The following TOP3A variants were observed in gnomAD, a reference collection of about 807,000 sequenced individuals.
The protein encoded by TOP3A is DNA topoisomerase 3-alpha.
In TOP3A, 64 loss-of-function variants were observed where a neutral mutation model predicts 111.3. That is an observed-to-expected ratio of 0.57 (90% CI 0.47 to 0.71). TOP3A has a LOEUF of 0.71. TOP3A is among the 30% of genes least tolerant of loss of function. The pLI is 0.00. For missense variants in TOP3A, 1,104 were observed against 1,285.0 expected (o/e 0.86, Z 2.15); for synonymous variants, 484 against 485.1 (o/e 1.00, Z 0.03).
In TOP3A at chr17:18,292,084, A is replaced by G. The variant is rs1255133072; in HGVS notation, c.1281+561T>C. ...AAGAACAAAAGACTAAGATTTCCCC[A>G]GCTTTGTGAGAAGCCTACAGATGTA... On this transcript the variant is annotated intron_variant, in intron 11 of 18. Coordinates refer to ENST00000321105, the MANE Select transcript of TOP3A (RefSeq NM_004618.5). Among the ~76,000 whole-genome samples the G allele has an allele frequency of 5.5e-4, 84 of 152,244 alleles. 1 individual carries two copies. Among genetic ancestry groups the G allele is most frequent in the Non-Finnish European group, 7.3e-5 (5 of 68,042 alleles).
chr17:18,296,942 T>G (rs947540368), intron 9 of TOP3A, among the ~76,000 whole-genome samples: 2 of 152,174 alleles, frequency 1.3e-5, no homozygotes, highest in African/African-American at 4.8e-5. Context: ...TTTATACAGA[T>G]TATACAGCAA....
chr17:18,306,852 G>T (rs1981607920), intron 4 of TOP3A, 39 bp downstream of exon 4: 1 of 1,320,052 alleles, frequency 7.6e-7, no homozygotes. Context: ...TTGACTCTGT[G>T]GTTTGACTCA....
chr17:18,278,481 C>G, intron 17 of TOP3A, 124 bp from the exon 18 acceptor site: 1 of 827,702 alleles, frequency 1.2e-6, no homozygotes, highest in South Asian at 2.5e-5. Flanking sequence ...GAAGCCCACA[C>G]AAGTCCCCTG....
intron 5 of TOP3A, 152 bp from the exon 6 acceptor site, chr17:18,302,875 T>C (rs1047731997): frequency 1.1e-5 from 9 of 816,434 alleles, no homozygotes; most frequent in Middle Eastern, 2.4e-4. Context: ...AAATCAATGG[T>C]GTACAGTGTC....
rs375390267 is a variant in TOP3A at position 18,277,910 on chromosome 17, A to G, written c.2592T>C (p.Tyr864=). Residue 864 remains tyrosine, a synonymous_variant, in exon 18 of 19, where the codon TAT becomes TAC. Transcript: ENST00000321105. ...ATCCCAGGGAGGCGCCCAGGGGTCT[A>G]TATGCCAAGGCAGGAGGCCCTCCTG... ...PGAGGPPALA[Y]RPLGASLGCP... 6 of 1,613,840 alleles carry G rather than the reference A, an allele frequency of 3.7e-6. No homozygotes were observed. Among genetic ancestry groups the G allele is most frequent in the Admixed American group, 3.3e-5 (2 of 60,010 alleles).
chr17:18,308,505 G>T, intron 2 of TOP3A, 81 bp from the exon 3 acceptor site: 2 of 957,016 alleles, frequency 2.1e-6, no homozygotes, highest in Non-Finnish European at 3.2e-6. Context: ...AGAGGGAGGA[G>T]CTTCTATTAA....
chr17:18,314,935 C>T lies in TOP3A; in HGVS notation c.-157G>A, dbSNP rs780537072. ...GCCTTTGGAGCTTCAGTCACTGAGC[C>T]TTTCCCGTGCCGCAGCCGCCGCCTC... is the stretch of plus-strand genomic sequence containing the variant. On this transcript the variant is annotated 5_prime_UTR_variant, in exon 1 of 19. Transcript: ENST00000321105. 16 of 269,500 alleles carry T rather than the reference C, an allele frequency of 5.9e-5. No individual in the cohort carries two copies. Among genetic ancestry groups the T allele is most frequent in the East Asian group, 8.9e-5 (1 of 11,230 alleles). The allele number at this position is 269,500 out of a possible 1,614,324, so 16.7% of individuals were successfully genotyped here.
chr17:18,289,571 C>T (rs1980339657), intron 13 of TOP3A, among the ~76,000 whole-genome samples: 1 of 152,154 alleles, frequency 6.6e-6, no homozygotes, highest in Non-Finnish European at 1.5e-5. Context: ...AGCCACTGCG[C>T]CCAGCAAGAT....
intron 4 of TOP3A, among the ~76,000 whole-genome samples, chr17:18,305,488 G>A (rs2061217): frequency 0.63 from 88,853 of 140,874 alleles, 27,088 homozygotes; most frequent in African/African-American, 0.75. Flanking sequence ...ACACACACAC[G>A]CGCGCGCGCG....
rs1979487808 is a variant in TOP3A at position 18,277,902 on chromosome 17, A to G, written c.2600T>C (p.Leu867Pro). The G allele has an allele frequency of 1.2e-6, 2 of 1,613,964 alleles. No individual in the cohort carries two copies. The highest frequency in any genetic ancestry group is 4.5e-5 in the East Asian group (2 of 44,876). Reference sequence around the variant, plus strand: ...TGGTGGGCATCCCAGGGAGGCGCCCAGGGGTCTATATGCCAAGGCAGGAGG... The same window carrying G: ...TGGTGGGCATCCCAGGGAGGCGCCCGGGGGTCTATATGCCAAGGCAGGAGG... ...GGPPALAYRP[L>P]GASLGCPPGP... Residue 867 changes from leucine to proline, a missense_variant, in exon 18 of 19, where the codon CTG becomes CCG. By Grantham distance (98) the Leu-to-Pro change is moderately conservative. Coordinates refer to ENST00000321105, the MANE Select transcript of TOP3A (RefSeq NM_004618.5).
Position 18,274,773 on chromosome 17 carries a change from A to G in TOP3A, c.*29T>C, listed in dbSNP as rs769307142. The G allele has an allele frequency of 6.3e-7, 1 of 1,597,788 alleles. No homozygotes were observed. Among genetic ancestry groups the G allele is most frequent in the Non-Finnish European group, 8.5e-7 (1 of 1,170,138 alleles). On this transcript the variant is annotated 3_prime_UTR_variant, in exon 19 of 19. Transcript: ENST00000321105. Reference sequence around the variant, plus strand: ...TAAACACAAAGGGGACAGGTCTGAGAAAGTGGCGTTCTCTACCCTACCCTG... The same window carrying G: ...TAAACACAAAGGGGACAGGTCTGAGGAAGTGGCGTTCTCTACCCTACCCTG...
chr17:18,273,601 A>C lies in TOP3A; in HGVS notation c.*1201T>G, dbSNP rs1052706640. On this transcript the variant is annotated 3_prime_UTR_variant, in exon 19 of 19. Transcript: ENST00000321105. ...TTCCCCAGACCCTCTGCACTCTCGC[A>C]GGTCAGAGTAAAAAAAGGTTGGATT... Among the ~76,000 whole-genome samples, 1 of 152,078 alleles carries C rather than the reference A, an allele frequency of 6.6e-6. No individual in the cohort carries two copies. Among genetic ancestry groups the C allele is most frequent in the Non-Finnish European group, 1.5e-5 (1 of 68,030 alleles).
Position 18,274,759 on chromosome 17 carries a change from G to C in TOP3A, c.*43C>G, listed in dbSNP as rs1224773221. 3 of 1,578,012 alleles carry C rather than the reference G, an allele frequency of 1.9e-6. No individual in the cohort carries two copies. Among genetic ancestry groups the C allele is most frequent in the Non-Finnish European group, 2.6e-6 (3 of 1,159,736 alleles). On this transcript the variant is annotated 3_prime_UTR_variant, in exon 19 of 19. Coordinates refer to ENST00000321105, the MANE Select transcript of TOP3A (RefSeq NM_004618.5). ...GGTTAACTCATTTCTAAACACAAAGGGGACAGGTCTGAGAAAGTGGCGTTC... is the reference window on the plus strand; with the variant it reads ...GGTTAACTCATTTCTAAACACAAAGCGGACAGGTCTGAGAAAGTGGCGTTC...
At chr17:18,290,732 A>G (rs748341300) in intron 12 of TOP3A, 46 bp from the exon 13 acceptor site, 4 of 1,577,638 alleles carry the variant, frequency 2.5e-6, no homozygotes, top group Non-Finnish European at 2.6e-6. Context: ...CCATCAGCAC[A>G]CTCAGGCAAA....
At position 18,312,526 on chromosome 17, in the gene TOP3A, G is replaced by C. The variant is rs944201830; in HGVS notation, c.180+2073C>G. Reference sequence around the variant, plus strand: ...TAGACAAAGGAGCTCTGGCTAAGCTGGTGGGACAAATTACAACGACATATG... The same window carrying C: ...TAGACAAAGGAGCTCTGGCTAAGCTCGTGGGACAAATTACAACGACATATG... On this transcript the variant is annotated intron_variant, in intron 1 of 18. Coordinates refer to ENST00000321105, the MANE Select transcript of TOP3A (RefSeq NM_004618.5). The C allele has an allele frequency of 4.3e-5, 7 of 162,904 alleles. 1 individual carries two copies. In the Admixed American group the frequency reaches 4.4e-4, roughly 10 times the overall value. The allele number at this position is 162,904 out of a possible 1,614,324, so 10.1% of individuals were successfully genotyped here. A position where few individuals can be genotyped will look rare whatever the true frequency, so the allele number is the denominator to read the frequency against.
chr17:18,287,776 T>C (rs1325992714), intron 13 of TOP3A, among the ~76,000 whole-genome samples: 1 of 152,016 alleles, frequency 6.6e-6, no homozygotes, highest in Non-Finnish European at 1.5e-5. Flanking sequence ...GGGCGGATCA[T>C]GAGGTCAGGA....
At chr17:18,314,368 C>T (rs1982113053) in intron 1 of TOP3A, among the ~76,000 whole-genome samples, 1 of 152,232 alleles carries the variant, frequency 6.6e-6, no homozygotes, top group East Asian at 1.9e-4. Context: ...CTGCTAAGCG[C>T]AAGCAAAACA....
intron 17 of TOP3A, among the ~76,000 whole-genome samples, chr17:18,280,020 G>A (rs1175561569): frequency 6.6e-6 from 1 of 152,062 alleles, no homozygotes; most frequent in Non-Finnish European, 1.5e-5. Flanking sequence ...GCATAGTGGT[G>A]CATGCCTGTA....
intron 2 of TOP3A, chr17:18,308,671 T>C: frequency 4.9e-6 from 1 of 202,856 alleles, no homozygotes; most frequent in Non-Finnish European, 8.1e-6. Flanking sequence ...GTATATTAGC[T>C]TTTTTTTTTT....
Sources: gnomAD v4.1 joint callset for allele counts (sites outside exome capture counted in the v4.1 genomes callset) on GRCh38, gnomAD v4.1.1 for gene constraint, MANE v1.5 for transcripts, NCBI Gene and HGNC (gene_info 2026-07-23, HGNC 2026-07-21) for gene names.